The following KCTD18 variants were observed in gnomAD, a reference collection of about 807,000 sequenced individuals.
KCTD18 encodes potassium channel tetramerization domain containing 18, also known as BTB/POZ domain-containing protein KCTD18.
KCTD18 carries 22 observed loss-of-function variants against 30.4 expected under a neutral mutation model. The observed-to-expected ratio is 0.72, with a 90% CI of 0.52 to 1.03. The LOEUF (loss-of-function observed/expected upper bound fraction) is 1.03. KCTD18 is among the 50% of genes least tolerant of loss of function. KCTD18 has a pLI of 0.00. For synonymous variants in KCTD18, 186 were observed against 209.0 expected, an observed-to-expected ratio of 0.89 and a Z score of 0.95; for missense variants, 529 against 547.6, an observed-to-expected ratio of 0.97 and a Z score of 0.34.
intron 2 of KCTD18, among the ~76,000 whole-genome samples, chr2:200,505,798 A>G (rs966707068): frequency 2.0e-5 from 3 of 152,208 alleles, no homozygotes; most frequent in Non-Finnish European, 2.9e-5. Flanking sequence ...ACTTTAAAAA[A>G]GAAGAAACAC....
intron 2 of KCTD18, among the ~76,000 whole-genome samples, chr2:200,505,698 C>T (rs897515458): frequency 1.3e-5 from 2 of 152,066 alleles, no homozygotes; most frequent in African/African-American, 4.8e-5. Context: ...GTTTGCATAT[C>T]AGCAACACTA....
rs1021050978 is a variant in KCTD18 at position 200,506,039 on chromosome 2, GT to G, written c.160+817del. Among the ~76,000 whole-genome samples the G allele has an allele frequency of 4.7e-4, 72 of 152,114 alleles. 1 individual carries two copies. The highest frequency in any genetic ancestry group is 3.4e-3 in the Middle Eastern group (1 of 294). On this transcript the variant is annotated intron_variant, in intron 2 of 6. Coordinates refer to ENST00000359878, the MANE Select transcript of KCTD18 (RefSeq NM_152387.4). ...ACCAAGCCCTGGGCACCAGCCACTGGTGATTTTTTTTCCCATTCTTTCAACT... is the reference window on the plus strand; with the variant it reads ...ACCAAGCCCTGGGCACCAGCCACTGGGATTTTTTTTCCCATTCTTTCAACT...
At chr2:200,509,191 C>A (rs35727668) in intron 1 of KCTD18, among the ~76,000 whole-genome samples, 118,156 of 151,914 alleles carry the variant, frequency 0.78, 46,159 homozygotes, top group African/African-American at 0.84. Context: ...ACAGATGAGG[C>A]CATTGGGGTA....
chr2:200,489,854 T>G lies in KCTD18; in HGVS notation c.*246A>C, dbSNP rs963388162. 8.5e-6 allele frequency: 4 copies of G among 471,848 alleles called. No individual in the cohort carries two copies. The highest frequency in any genetic ancestry group is 5.3e-4 in the Middle Eastern group (1 of 1,880). 29.2% of individuals were successfully genotyped at this position (471,848 alleles called of 1,614,324 possible). A position where few individuals can be genotyped will look rare whatever the true frequency, so the allele number is the denominator to read the frequency against. On this transcript the variant is annotated 3_prime_UTR_variant, in exon 7 of 7. Transcript: ENST00000359878. Reference sequence around the variant, plus strand: ...TTAATACGAATTAATCATTAAAAAATAAATTGAAAACCAGAAATTCAAACT... The same window carrying G: ...TTAATACGAATTAATCATTAAAAAAGAAATTGAAAACCAGAAATTCAAACT...
rs2030409307 is a variant in KCTD18 at position 200,509,630 on chromosome 2, GC to G, written c.-79del. On this transcript the variant is annotated 5_prime_UTR_variant, in exon 1 of 7. It removes an upstream start codon present in the reference 5' UTR. Transcript: ENST00000359878. Reference sequence around the variant, plus strand: ...CCAGAGTGCATTCCTATGATCACCTGCATCAAAACCATCAGGGACGCTTGGG... The same window carrying G: ...CCAGAGTGCATTCCTATGATCACCTGATCAAAACCATCAGGGACGCTTGGG... 2 of 152,276 alleles carry G rather than the reference GC, an allele frequency of 1.3e-5. No homozygotes were observed. The allele number at this position is 152,276 out of a possible 1,614,324, so 9.4% of individuals were successfully genotyped here. A position where few individuals can be genotyped will look rare whatever the true frequency, so the allele number is the denominator to read the frequency against.
intron 1 of KCTD18, among the ~76,000 whole-genome samples, chr2:200,507,975 G>A (rs2106286354): frequency 6.6e-6 from 1 of 152,256 alleles, no homozygotes; most frequent in African/African-American, 2.4e-5. Context: ...CGCCCAGCCT[G>A]AGATCAGAAT....
chr2:200,494,634 A>G (rs2087970219), intron 5 of KCTD18, among the ~76,000 whole-genome samples: 1 of 152,240 alleles, frequency 6.6e-6, no homozygotes, highest in Non-Finnish European at 1.5e-5. Flanking sequence ...AAACCTACAC[A>G]TACTATAAAA....
intron 1 of KCTD18, among the ~76,000 whole-genome samples, chr2:200,507,990 T>C (rs2030286569): frequency 6.6e-6 from 1 of 152,164 alleles, no homozygotes; most frequent in Admixed American, 6.5e-5. Context: ...CAGAATTCTA[T>C]GTAGACCAGT....
At chr2:200,493,643 C>T (rs2087955533) in intron 5 of KCTD18, among the ~76,000 whole-genome samples, 1 of 152,118 alleles carries the variant, frequency 6.6e-6, no homozygotes, top group Non-Finnish European at 1.5e-5. Context: ...CTTTTCTGGG[C>T]CTGAATTTTC....
rs2030240516 is a variant in KCTD18, at chr2:200,507,050, A to G, written c.-34T>C. On this transcript the variant is annotated 5_prime_UTR_variant, in exon 2 of 7. Coordinates refer to ENST00000359878, the MANE Select transcript of KCTD18 (RefSeq NM_152387.4). ...CAGGCACCTGAATTTTTGCCGCCCA[A>G]CACTTTCAGAAACTTCAAAACAATG... 1 of 1,568,488 alleles carries G rather than the reference A, an allele frequency of 6.4e-7. No individual in the cohort carries two copies. Among genetic ancestry groups the G allele is most frequent in the Non-Finnish European group, 8.7e-7 (1 of 1,149,890 alleles).
At chr2:200,498,543 C>T (rs183079291) in intron 4 of KCTD18, among the ~76,000 whole-genome samples, 16 of 152,320 alleles carry the variant, frequency 1.1e-4, no homozygotes, top group African/African-American at 3.4e-4. Flanking sequence ...ACTTCTTCTG[C>T]CAATGCTTCT....
intron 3 of KCTD18, among the ~76,000 whole-genome samples, chr2:200,503,649 G>A (rs890500334): frequency 1.4e-4 from 22 of 152,152 alleles, no homozygotes; most frequent in African/African-American, 5.1e-4. Context: ...CGAAAATATA[G>A]TTTATGAATA....
chr2:200,496,146 G>A, intron 5 of KCTD18: 1 of 152,426 alleles, frequency 6.6e-6, no homozygotes, highest in East Asian at 1.9e-4. Context: ...TCAATCTCAT[G>A]ACCTCATGAT....
At position 200,490,542 on chromosome 2, in the gene KCTD18, C is replaced by T. The variant is rs770858936; in HGVS notation, c.839G>A (p.Gly280Asp). Reference protein sequence around the residue: ...KTGPKPVRFLGPSTSTQIKVK... With the variant: ...KTGPKPVRFLDPSTSTQIKVK... ...TTTAATTTGGGTACTTGTGGAAGGG[C>T]CCAAAAATCTAACTGGCTTAGGACC... The change falls in exon 7 of 7, where the codon GGC becomes GAC. Residue 280 changes from glycine (G) to aspartate (D), a missense_variant. Transcript: ENST00000359878. 6.2e-7 allele frequency: 1 copy of T among 1,603,022 alleles called. No individual in the cohort carries two copies. Among genetic ancestry groups the T allele is most frequent in the Non-Finnish European group, 8.5e-7 (1 of 1,179,956 alleles).
At chr2:200,509,372 T>C (rs1253689628) in intron 1 of KCTD18, among the ~76,000 whole-genome samples, 1 of 151,866 alleles carries the variant, frequency 6.6e-6, no homozygotes, top group Non-Finnish European at 1.5e-5. Flanking sequence ...GCCCTTTCAC[T>C]CTCTAAGCAT....
intron 2 of KCTD18, 57 bp from the exon 3 acceptor site, chr2:200,505,016 C>T: frequency 7.1e-7 from 1 of 1,402,532 alleles, no homozygotes; most frequent in East Asian, 2.4e-5. Flanking sequence ...AATAAGATTT[C>T]AACAAATCAA....
chr2:200,504,332 G>A (rs6736935), intron 3 of KCTD18, among the ~76,000 whole-genome samples: 5,264 of 152,036 alleles, frequency 0.035, 141 homozygotes, highest in African/African-American at 0.074. Context: ...AGTGGCAGGC[G>A]CCTGTAGTCC....
At position 200,490,279 on chromosome 2, in the gene KCTD18, C is replaced by T. The variant is rs2087890490; in HGVS notation, c.1102G>A (p.Asp368Asn). The T allele has an allele frequency of 1.2e-6, 2 of 1,614,210 alleles. No individual in the cohort carries two copies. The highest frequency in any genetic ancestry group is 1.7e-6 in the Non-Finnish European group (2 of 1,180,036). ...HLPPAKVLLS[D>N]KKPTPQRVIK... ...ACCCGCTGGGGTGTAGGCTTCTTGT[C>T]GGAGAGTAGCACCTTAGCTGGAGGT... The change falls in exon 7 of 7, where the codon GAC (aspartate) becomes AAC (asparagine). Residue 368 changes from aspartate to asparagine, a missense_variant. Transcript: ENST00000359878.
intron 5 of KCTD18, 152 bp from the exon 6 acceptor site, chr2:200,493,426 G>A (rs527849244): frequency 1.0e-4 from 62 of 605,750 alleles, no homozygotes; most frequent in East Asian, 3.3e-4. Context: ...GCGCTCACAC[G>A]AGGAGCTAGG....
Sources: allele counts gnomAD v4.1 joint callset (sites outside exome capture counted in the v4.1 genomes callset), GRCh38; gene constraint gnomAD v4.1.1; transcripts MANE v1.5; gene names NCBI Gene and HGNC (gene_info 2026-07-23, HGNC 2026-07-21).